The following DMD variants were observed in gnomAD, a reference collection of about 807,000 sequenced individuals.
The protein encoded by DMD is mutant dystrophin.
Under a neutral mutation model 330.1 loss-of-function variants are expected in DMD, and 63 were observed. The observed-to-expected ratio is 0.19, with a 90% confidence interval of 0.16 to 0.24. DMD has a LOEUF of 0.24. DMD is among the 10% of genes least tolerant of loss of function. The pLI, the probability that DMD is intolerant of heterozygous loss-of-function variation, is 1.00. For synonymous variants in DMD, 1,223 were observed against 959.8 expected (o/e 1.27, Z -5.07); for missense variants, 3,344 against 2,684.1 (o/e 1.25, Z -5.43).
chrX:31,348,375 C>T lies in DMD; in HGVS notation c.9163+181G>A, dbSNP rs982427946. 3 of 478,420 alleles carry T rather than the reference C, an allele frequency of 6.3e-6. No homozygotes were observed. In the African/African-American group the frequency reaches 7.2e-5, roughly 11 times the overall value. 39.4% of individuals were successfully genotyped at this position (478,420 alleles called of 1,213,427 possible). ...AGACTGGACAAAATGATCCAATTGGCCTTCCTCTTCCTAACCTTCTCAACT... is the reference window on the plus strand; with the variant it reads ...AGACTGGACAAAATGATCCAATTGGTCTTCCTCTTCCTAACCTTCTCAACT... On this transcript the variant is annotated intron_variant, in intron 61 of 78. Coordinates refer to ENST00000357033, the MANE Select transcript of DMD (RefSeq NM_004006.3).
At chrX:31,675,685 AAGG>A (rs752807173) in intron 53 of DMD, among the ~76,000 whole-genome samples, 18 of 111,629 alleles carry the variant, frequency 1.6e-4, no homozygotes, top group African/African-American at 4.2e-4. Flanking sequence ...TTCTAAATAA[AAGG>A]AGGAGTTTTT....
At chrX:32,983,259 T>C (rs1430254649) in intron 2 of DMD, among the ~76,000 whole-genome samples, 2 of 111,626 alleles carry the variant, frequency 1.8e-5, no homozygotes, top group Non-Finnish European at 3.8e-5. Context: ...ATTCTCTTTA[T>C]CCTGTCATTG....
chrX:31,874,195 T>A (rs1424613978), intron 48 of DMD, among the ~76,000 whole-genome samples: 1 of 111,231 alleles, frequency 9.0e-6, no homozygotes, highest in South Asian at 3.7e-4. Context: ...AGAAAATTCA[T>A]TATATCAAAA....
chrX:33,178,805 G>T (rs1231135173), intron 1 of DMD, among the ~76,000 whole-genome samples: 3 of 111,946 alleles, frequency 2.7e-5, no homozygotes, highest in Admixed American at 9.5e-5. Flanking sequence ...TCTTTGAAAA[G>T]TACCAAATCT....
At chrX:32,352,560 C>T (rs1456238166) in intron 37 of DMD, among the ~76,000 whole-genome samples, 3 of 110,654 alleles carry the variant, frequency 2.7e-5, no homozygotes, top group Admixed American at 9.7e-5. Flanking sequence ...GCTCAGTGGC[C>T]ACATGTGGTT....
intron 44 of DMD, among the ~76,000 whole-genome samples, chrX:32,194,028 T>C (rs2096987479): frequency 8.9e-6 from 1 of 112,307 alleles, no homozygotes; most frequent in South Asian, 3.7e-4. Context: ...TCAAGGCAGA[T>C]AAACTTCATA....
chrX:33,223,414 T>A (rs2052225470), intron 1 of DMD, among the ~76,000 whole-genome samples: 1 of 112,097 alleles, frequency 8.9e-6, no homozygotes, highest in South Asian at 3.7e-4. Flanking sequence ...CAAGACAGTG[T>A]CTTATTGGCA....
intron 7 of DMD, among the ~76,000 whole-genome samples, chrX:32,753,047 T>C (rs1211077424): frequency 9.0e-6 from 1 of 111,194 alleles, no homozygotes; most frequent in Non-Finnish European, 1.9e-5. Flanking sequence ...GACTTCTCCC[T>C]GCTTAGAACA....
At chrX:31,503,981 T>G (rs974026656) in intron 56 of DMD, among the ~76,000 whole-genome samples, 3 of 111,155 alleles carry the variant, frequency 2.7e-5, no homozygotes, top group Non-Finnish European at 5.7e-5. Flanking sequence ...GAGCAGTGAT[T>G]TTTTTTGGTA....
In DMD at chrX:32,463,681, G is replaced by A. The variant is rs192505846; in HGVS notation, c.3277-87C>T. ...ACATAGCTAGAAAATGTAAAATTGG[G>A]ACTGATGGCATTGCATATGGATTTT... On this transcript the variant is annotated intron_variant, in intron 24 of 78. Coordinates refer to ENST00000357033, the MANE Select transcript of DMD (RefSeq NM_004006.3). 147 of 841,813 alleles carry A rather than the reference G, an allele frequency of 1.7e-4. 1 individual carries two copies. The highest frequency in any genetic ancestry group is 2.2e-4 in the Non-Finnish European group (140 of 630,488). 69.4% of individuals were successfully genotyped at this position (841,813 alleles called of 1,213,427 possible).
At chrX:32,612,784 T>C (rs1041772394) in intron 12 of DMD, among the ~76,000 whole-genome samples, 1 of 111,337 alleles carries the variant, frequency 9.0e-6, no homozygotes, top group African/African-American at 3.3e-5. Flanking sequence ...GTTTTTTTCC[T>C]GATGGCATAG....
At chrX:31,300,632 A>C (rs886329090) in intron 62 of DMD, among the ~76,000 whole-genome samples, 2 of 111,926 alleles carry the variant, frequency 1.8e-5, no homozygotes, top group Non-Finnish European at 3.8e-5. Context: ...TATATAAACA[A>C]TATCTTTTGT....
chrX:31,915,637 G>C (rs1463893444), intron 47 of DMD, among the ~76,000 whole-genome samples: 1 of 111,813 alleles, frequency 8.9e-6, no homozygotes, highest in Admixed American at 9.5e-5. Flanking sequence ...AATACTGAAT[G>C]TATACATAAA....
At chrX:32,766,187 G>A (rs1450229517) in intron 7 of DMD, among the ~76,000 whole-genome samples, 1 of 110,774 alleles carries the variant, frequency 9.0e-6, no homozygotes, top group Non-Finnish European at 1.9e-5. Context: ...GGATCCATGA[G>A]ATTACATGGG....
intron 13 of DMD, among the ~76,000 whole-genome samples, chrX:32,587,676 T>A (rs62592514): frequency 0.014 from 1,506 of 111,086 alleles, 10 homozygotes; most frequent in Non-Finnish European, 0.022. Context: ...CCACTCAGTA[T>A]GTCACCTCTT....
At chrX:32,842,300 C>T (rs2080231118) in intron 4 of DMD, among the ~76,000 whole-genome samples, 1 of 112,388 alleles carries the variant, frequency 8.9e-6, no homozygotes, top group African/African-American at 3.2e-5. Flanking sequence ...TTCTCAGGCC[C>T]TCGCCAGAGA....
intron 52 of DMD, among the ~76,000 whole-genome samples, chrX:31,729,030 G>A (rs912768567): frequency 9.0e-5 from 10 of 111,429 alleles, no homozygotes; most frequent in African/African-American, 1.3e-4. Flanking sequence ...CAATCACTGC[G>A]AATCACTCTC....
intron 9 of DMD, among the ~76,000 whole-genome samples, chrX:32,669,437 C>A (rs1363340536): frequency 6.3e-5 from 7 of 111,714 alleles, no homozygotes; most frequent in African/African-American, 2.3e-4. Flanking sequence ...ACTATGTCTC[C>A]CACCTCTAGT....
chrX:32,553,825 G>C (rs1000021606), intron 16 of DMD, among the ~76,000 whole-genome samples: 1 of 111,925 alleles, frequency 8.9e-6, no homozygotes, highest in Admixed American at 9.4e-5. Flanking sequence ...TGAATCATGG[G>C]TGTGGACCTC....
Sources: gnomAD v4.1 joint callset for allele counts (sites outside exome capture counted in the v4.1 genomes callset) on GRCh38, gnomAD v4.1.1 for gene constraint, MANE v1.5 for transcripts, NCBI Gene and HGNC (gene_info 2026-07-23, HGNC 2026-07-21) for gene names.